Variants in CNTN3 observed in about 807,000 individuals in gnomAD.
CNTN3 encodes the protein contactin-3.
CNTN3 carries 60 observed loss-of-function variants against 119.1 expected under a neutral mutation model. That is an observed-to-expected ratio of 0.50 (90% confidence interval 0.41 to 0.62). CNTN3 has a LOEUF of 0.62. Among genes scored for constraint, CNTN3 ranks in the 20% least tolerant of loss-of-function variants. The probability of loss-of-function intolerance (pLI) is 0.00; values close to 1 mark genes in which losing one functional copy is unlikely to be tolerated. For synonymous variants in CNTN3, 450 were observed against 438.7 expected, an observed-to-expected ratio of 1.03 and a Z score of -0.32; for missense variants, 1,101 against 1,242.4, an observed-to-expected ratio of 0.89 and a Z score of 1.71.
chr3:74,540,309 A>T (rs1053673689), intron 1 of CNTN3, among the ~76,000 whole-genome samples: 4 of 152,092 alleles, frequency 2.6e-5, no homozygotes, highest in Non-Finnish European at 5.9e-5. Flanking sequence ...AGTTTAGGGG[A>T]TTTCCTTTGC....
intron 5 of CNTN3, among the ~76,000 whole-genome samples, chr3:74,402,667 A>C (rs1705228197): frequency 6.6e-6 from 1 of 152,202 alleles, no homozygotes; most frequent in Non-Finnish European, 1.5e-5. Context: ...ATTCCAATTG[A>C]AGGTAGTCAA....
intron 19 of CNTN3, among the ~76,000 whole-genome samples, chr3:74,286,601 C>T (rs1702119550): frequency 6.6e-6 from 1 of 152,124 alleles, no homozygotes; most frequent in African/African-American, 2.4e-5. Context: ...ATGAAAAGTT[C>T]TAACTGGAGT....
intron 20 of CNTN3, among the ~76,000 whole-genome samples, chr3:74,279,956 T>TA (rs1367584662): frequency 6.6e-6 from 1 of 152,064 alleles, no homozygotes; most frequent in East Asian, 1.9e-4. Context: ...TTTGATAGCA[T>TA]AACAGGGTGA....
chr3:74,322,031 C>CA (rs1703007563), intron 13 of CNTN3, among the ~76,000 whole-genome samples: 1 of 151,894 alleles, frequency 6.6e-6, no homozygotes, highest in South Asian at 2.1e-4. Context: ...ACTAAAAATA[C>CA]AAAAATTAGC....
chr3:74,555,177 G>T (rs1704050937), intron 1 of CNTN3, among the ~76,000 whole-genome samples: 1 of 152,160 alleles, frequency 6.6e-6, no homozygotes, highest in Admixed American at 6.5e-5. Flanking sequence ...TAATCATGTG[G>T]TTTTTGTCAT....
chr3:74,511,539 TG>T (rs1703363313), intron 2 of CNTN3, among the ~76,000 whole-genome samples: 1 of 151,948 alleles, frequency 6.6e-6, no homozygotes, highest in South Asian at 2.1e-4. Flanking sequence ...GGCGTGGTGG[TG>T]TGCCTGTAGT....
At chr3:74,448,292 G>T (rs1365190773) in intron 4 of CNTN3, among the ~76,000 whole-genome samples, 3 of 152,080 alleles carry the variant, frequency 2.0e-5, no homozygotes, top group Non-Finnish European at 4.4e-5. Context: ...ACAACATAGA[G>T]TAAAAGCAGA....
Position 74,264,363 on chromosome 3 carries a change from CA to C in CNTN3, c.*37del. 1 of 1,224,254 alleles carries C rather than the reference CA, an allele frequency of 8.2e-7. No individual in the cohort carries two copies. The highest frequency in any genetic ancestry group is 2.1e-5 in the South Asian group (1 of 47,812). The allele number at this position is 1,224,254 out of a possible 1,614,324, so 75.8% of individuals were successfully genotyped here. A position where few individuals can be genotyped will look rare whatever the true frequency, so the allele number is the denominator to read the frequency against. On this transcript the variant is annotated 3_prime_UTR_variant, in exon 23 of 23. Coordinates refer to ENST00000263665, the MANE Select transcript of CNTN3 (RefSeq NM_020872.3). ...TCATGAAAGCACTTTTTTTGGTAAC[CA>C]AATAACTTTCCAATAAATAATAAAA... is the stretch of plus-strand genomic sequence containing the variant.
intron 1 of CNTN3, among the ~76,000 whole-genome samples, chr3:74,595,468 G>A (rs1575855761): frequency 6.6e-6 from 1 of 152,098 alleles, no homozygotes; most frequent in Admixed American, 6.6e-5. Context: ...ATTAATTTTT[G>A]TAGAAGGTGT....
chr3:74,502,424 A>G (rs1575788517), intron 2 of CNTN3, among the ~76,000 whole-genome samples: 1 of 152,170 alleles, frequency 6.6e-6, no homozygotes, highest in East Asian at 1.9e-4. Flanking sequence ...TTAATTTTAA[A>G]TAAAAATGTT....
At chr3:74,512,532 C>T (rs149272055) in intron 2 of CNTN3, among the ~76,000 whole-genome samples, 98 of 151,866 alleles carry the variant, frequency 6.5e-4, no homozygotes, top group African/African-American at 2.3e-3. Context: ...AAAGCAATAT[C>T]AATGGGAAAC....
intron 8 of CNTN3, among the ~76,000 whole-genome samples, chr3:74,366,635 G>A (rs1216134477): frequency 1.3e-5 from 2 of 151,468 alleles, no homozygotes; most frequent in Non-Finnish European, 2.9e-5. Flanking sequence ...ACCATGGGAA[G>A]ATTTGTCTTT....
At chr3:74,594,452 C>T (rs1267743480) in intron 1 of CNTN3, among the ~76,000 whole-genome samples, 2 of 151,562 alleles carry the variant, frequency 1.3e-5, no homozygotes, top group African/African-American at 4.9e-5. Context: ...TCTCCCCCCA[C>T]CCCACAACAC....
At chr3:74,391,557 C>CTTTTTTTTTTTTTTTTT (rs554976641) in intron 5 of CNTN3, among the ~76,000 whole-genome samples, 17 of 87,028 alleles carry the variant, frequency 2.0e-4, no homozygotes, top group African/African-American at 7.0e-4. Flanking sequence ...CCCATAGTTT[C>CTTTTTTTTTTTTTTTTT]TTTTTTTTTT....
chr3:74,517,381 G>A (rs1703468430), intron 2 of CNTN3, among the ~76,000 whole-genome samples: 1 of 151,794 alleles, frequency 6.6e-6, no homozygotes, highest in Non-Finnish European at 1.5e-5. Context: ...TTCTCCCACT[G>A]CAAAGCCTTG....
At chr3:74,490,703 T>G (rs936001043) in intron 3 of CNTN3, among the ~76,000 whole-genome samples, 1 of 152,204 alleles carries the variant, frequency 6.6e-6, no homozygotes, top group Admixed American at 6.5e-5. Context: ...TCTCACTTCC[T>G]TTAGTTCGGT....
At chr3:74,271,259 C>T (rs767747721) in intron 20 of CNTN3, among the ~76,000 whole-genome samples, 10 of 147,508 alleles carry the variant, frequency 6.8e-5, no homozygotes, top group Non-Finnish European at 1.2e-4. Context: ...CGGGCAGTTA[C>T]GATACAGTAT....
At chr3:74,614,218 C>T (rs551576439) in intron 1 of CNTN3, among the ~76,000 whole-genome samples, 173 bp downstream of exon 1, 1 of 152,336 alleles carries the variant, frequency 6.6e-6, no homozygotes, top group South Asian at 2.1e-4. Flanking sequence ...AATAATCTCC[C>T]CAGAGCAAGT....
chr3:74,417,294 T>C (rs1353149026), intron 5 of CNTN3, among the ~76,000 whole-genome samples: 1 of 152,190 alleles, frequency 6.6e-6, no homozygotes, highest in Non-Finnish European at 1.5e-5. Context: ...CTGAACTCAG[T>C]ACTTTTCTCT....
Sources: allele counts gnomAD v4.1 joint callset (sites outside exome capture counted in the v4.1 genomes callset), GRCh38; gene constraint gnomAD v4.1.1; transcripts MANE v1.5; gene names NCBI Gene and HGNC (gene_info 2026-07-23, HGNC 2026-07-21).